ROPN1: variants seen among roughly 807,000 people sequenced by gnomAD.
ROPN1 encodes the protein ropporin-1A.
Under a neutral mutation model 20.5 loss-of-function variants are expected in ROPN1, and 14 were observed. The observed-to-expected ratio is 0.68, with a 90% CI of 0.45 to 1.07. The LOEUF (loss-of-function observed/expected upper bound fraction) is 1.07. ROPN1 is among the 50% of genes least tolerant of loss of function. The pLI is 0.00. For missense variants in ROPN1, 169 were observed against 242.8 expected (o/e 0.70, Z 2.02); for synonymous variants, 76 against 95.7 (o/e 0.79, Z 1.20).
chr3:123,970,014 C>T, intron 5 of ROPN1, 28 bp downstream of exon 5: 1 of 1,608,150 alleles, frequency 6.2e-7, no homozygotes, highest in Non-Finnish European at 8.5e-7. Context: ...GGTATTCTTT[C>T]ACCTCCACTT....
intron 1 of ROPN1, among the ~76,000 whole-genome samples, chr3:123,984,748 CA>C (rs549810597): frequency 1.0e-4 from 15 of 147,662 alleles, no homozygotes; most frequent in South Asian, 6.4e-4. Context: ...GGCCACTTTC[CA>C]AAAAAAAAAA....
rs767494215 is a variant in ROPN1, at chr3:123,970,150, C to G, written c.464G>C (p.Arg155Pro). 91 of 1,613,954 alleles carry G rather than the reference C, an allele frequency of 5.6e-5. 1 individual carries two copies. In the East Asian group the frequency reaches 2.0e-3, roughly 36 times the overall value. The change falls in exon 5 of 6, where the codon CGG (arginine) becomes CCG (proline). Residue 155 changes from arginine (R) to proline (P), a missense_variant. By Grantham distance (103) the Arg-to-Pro change is moderately radical (BLOSUM62 -2). Around this residue, in one of 3 missense-constraint regions of ROPN1, gnomAD observed 82 missense variants for 100.1 expected, o/e 0.82. Coordinates refer to ENST00000405845, the MANE Select transcript of ROPN1 (RefSeq NM_001317774.2). ...AAACTGGAAGGTGCTGAACGGGATC[C>G]GGGGCGACCCACCATTATGGTCACA... is the stretch of plus-strand genomic sequence containing the variant. ...LSCDHNGGSP[R>P]IPFSTFQFLY...
At chr3:123,980,033 G>C (rs1041190296) in intron 2 of ROPN1, 9 of 497,482 alleles carry the variant, frequency 1.8e-5, no homozygotes, top group African/African-American at 3.8e-5. Context: ...TCTTTCCACC[G>C]GGAGTGGGAA....
intron 1 of ROPN1, among the ~76,000 whole-genome samples, chr3:123,990,021 AT>A (rs1353706440): frequency 3.9e-5 from 6 of 152,164 alleles, no homozygotes; most frequent in African/African-American, 1.2e-4. Context: ...CTCTTGTTAA[AT>A]TATATGCTCA....
chr3:123,990,710 T>A (rs374486834), intron 1 of ROPN1, among the ~76,000 whole-genome samples: 7 of 151,198 alleles, frequency 4.6e-5, no homozygotes, highest in African/African-American at 1.7e-4. Context: ...AATTATACAT[T>A]CCAGAGCTTA....
In ROPN1 at chr3:123,969,065, G is replaced by GAAAATTGATTTTGGGTGGTA. The variant is rs1331000055; in HGVS notation, c.*70_*89dup. 30 of 1,020,630 alleles carry GAAAATTGATTTTGGGTGGTA rather than the reference G, an allele frequency of 2.9e-5. No individual in the cohort carries two copies. The highest frequency in any genetic ancestry group is 4.4e-5 in the Non-Finnish European group (28 of 642,688). The allele number at this position is 1,020,630 out of a possible 1,614,324, so 63.2% of individuals were successfully genotyped here. A position where few individuals can be genotyped will look rare whatever the true frequency, so the allele number is the denominator to read the frequency against. On this transcript the variant is annotated 3_prime_UTR_variant, in exon 6 of 6. Coordinates refer to ENST00000405845, the MANE Select transcript of ROPN1 (RefSeq NM_001317774.2). ...TTATTAGTGTGTACCAGTTGTACAA[G>GAAAATTGATTTTGGGTGGTA]AAAATTGATTTTGGGTGGTATATGG...
chr3:123,991,019 T>C (rs1191965555), intron 1 of ROPN1, among the ~76,000 whole-genome samples: 3 of 152,212 alleles, frequency 2.0e-5, no homozygotes, highest in Non-Finnish European at 4.4e-5. Flanking sequence ...ACATCCCTGT[T>C]TGGGTTTGGA....
intron 5 of ROPN1, 25 bp from the exon 6 acceptor site, chr3:123,969,246 A>G (rs1158454131): frequency 6.4e-7 from 1 of 1,557,656 alleles, no homozygotes; most frequent in Non-Finnish European, 8.9e-7. Context: ...GTATATCTGC[A>G]GTTAGTTCAT....
chr3:123,990,112 A>G (rs1427621930), intron 1 of ROPN1, among the ~76,000 whole-genome samples: 19 of 152,138 alleles, frequency 1.2e-4, no homozygotes, highest in Admixed American at 1.2e-3. Context: ...AGCTGAAGAG[A>G]GGATGGTGAA....
intron 1 of ROPN1, among the ~76,000 whole-genome samples, chr3:123,984,946 T>C (rs2038221568): frequency 6.6e-6 from 1 of 152,206 alleles, no homozygotes. Context: ...CCTAGAAAAC[T>C]TGGATATCAT....
intron 1 of ROPN1, among the ~76,000 whole-genome samples, chr3:123,981,577 G>A (rs1204545247): frequency 6.6e-6 from 1 of 152,184 alleles, no homozygotes; most frequent in Non-Finnish European, 1.5e-5. Flanking sequence ...TACAGGCAGG[G>A]GTAAGCAACA....
intron 4 of ROPN1, among the ~76,000 whole-genome samples, chr3:123,971,843 A>G (rs1249981316): frequency 6.6e-6 from 1 of 152,180 alleles, no homozygotes; most frequent in African/African-American, 2.4e-5. Flanking sequence ...TGTTCCCCCT[A>G]AAGTTCATGC....
intron 4 of ROPN1, among the ~76,000 whole-genome samples, chr3:123,973,298 G>A (rs759941249): frequency 6.6e-6 from 1 of 152,152 alleles, no homozygotes; most frequent in Non-Finnish European, 1.5e-5. Context: ...TTAACCTCCA[G>A]GCTGACTTTA....
At position 123,980,583 on chromosome 3, in the gene ROPN1, T is replaced by C. The variant is rs2038122116; in HGVS notation, c.-12-90A>G. The C allele has an allele frequency of 5.0e-6, 6 of 1,199,098 alleles. No homozygotes were observed. The South Asian group carries it at 8.8e-5, about 18-fold the overall frequency. The allele number at this position is 1,199,098 out of a possible 1,614,324, so 74.3% of individuals were successfully genotyped here. ...GGACAGGAGGTCACCCAGCCTCTGT[T>C]TGACACTCAATTTTGGGGACTCTGC... On this transcript the variant is annotated intron_variant, in intron 1 of 5. Transcript: ENST00000405845.
intron 1 of ROPN1, among the ~76,000 whole-genome samples, chr3:123,981,110 TATGAAA>T (rs1209913654): frequency 2.0e-5 from 3 of 152,146 alleles, no homozygotes; most frequent in Admixed American, 6.5e-5. Context: ...TGAAACAAAA[TATGAAA>T]ATCCATAAAG....
intron 1 of ROPN1, among the ~76,000 whole-genome samples, chr3:123,986,346 A>G (rs2038255598): frequency 6.6e-6 from 1 of 152,156 alleles, no homozygotes; most frequent in Admixed American, 6.5e-5. Flanking sequence ...CAAAGTCCTC[A>G]GGGACATACA....
chr3:123,977,422 G>T (rs553403258), intron 2 of ROPN1, among the ~76,000 whole-genome samples: 1 of 152,204 alleles, frequency 6.6e-6, no homozygotes. Context: ...GGTGGCTAGG[G>T]CCTGTAATCT....
At chr3:123,989,858 C>T (rs2038362564) in intron 1 of ROPN1, among the ~76,000 whole-genome samples, 1 of 152,174 alleles carries the variant, frequency 6.6e-6, no homozygotes, top group South Asian at 2.1e-4. Context: ...ATGCACCAAG[C>T]TCTGGGAAAG....
rs755744312 is a variant in ROPN1 at position 123,969,083 on chromosome 3, G to A, written c.*72C>T. On this transcript the variant is annotated 3_prime_UTR_variant, in exon 6 of 6. Transcript: ENST00000405845. Reference sequence around the variant, plus strand: ...TGTACAAGAAAATTGATTTTGGGTGGTATATGGGTTTCAGTCATTCTGAAG... The same window carrying A: ...TGTACAAGAAAATTGATTTTGGGTGATATATGGGTTTCAGTCATTCTGAAG... The A allele has an allele frequency of 3.9e-4, 470 of 1,207,436 alleles. No individual in the cohort carries two copies. The highest frequency in any genetic ancestry group is 1.5e-3 in the Middle Eastern group (8 of 5,350). 74.8% of individuals were successfully genotyped at this position (1,207,436 alleles called of 1,614,324 possible).
Sources: gnomAD v4.1 joint callset for allele counts (sites outside exome capture counted in the v4.1 genomes callset) on GRCh38, gnomAD v4.1.1 for gene constraint, gnomAD v4.1.1 regional missense constraint, MANE v1.5 for transcripts, NCBI Gene and HGNC (gene_info 2026-07-23, HGNC 2026-07-21) for gene names.